Variants in PRSS55 observed in about 807,000 individuals in gnomAD.
The protein encoded by PRSS55 is serine protease 55.
In PRSS55, 41 loss-of-function variants were observed where a neutral mutation model predicts 23.6. That is an observed-to-expected ratio of 1.74 (90% confidence interval 1.35 to 2.26). The LOEUF (loss-of-function observed/expected upper bound fraction) is 2.26. Ranked by LOEUF, PRSS55 falls within the 30% of genes most tolerant of loss-of-function variation. The probability of loss-of-function intolerance (pLI) is 0.00; values close to 1 mark genes in which losing one functional copy is unlikely to be tolerated. For missense variants in PRSS55, 669 were observed against 439.1 expected (o/e 1.52, Z -4.68); for synonymous variants, 262 against 175.5 (o/e 1.49, Z -3.90).
chr8:10,530,010 C>T (rs959362674), intron 2 of PRSS55, among the ~76,000 whole-genome samples: 3 of 152,190 alleles, frequency 2.0e-5, no homozygotes, highest in Admixed American at 1.3e-4. Context: ...CTAGGGCATT[C>T]AAGTCCATCT....
rs1408560613 is a variant in PRSS55, at chr8:10,532,813, G to T, written c.599-93G>T. The T allele has an allele frequency of 8.6e-6, 13 of 1,515,600 alleles. No homozygotes were observed. The African/African-American group carries it at 1.8e-4, about 21-fold the overall frequency. The allele number at this position is 1,515,600 out of a possible 1,614,324, so 93.9% of individuals were successfully genotyped here. ...CTGTGAAGGAAGGGGATGGGGGCTG[G>T]GGGACACAGGGCCGAGGGCACAGTC... On this transcript the variant is annotated intron_variant, in intron 3 of 4. Transcript: ENST00000328655.
intron 4 of PRSS55, among the ~76,000 whole-genome samples, chr8:10,550,592 C>T (rs1025005780): frequency 1.3e-5 from 2 of 152,190 alleles, no homozygotes; most frequent in Non-Finnish European, 2.9e-5. Flanking sequence ...GGGACCCAAT[C>T]TCTGCCTCCC....
intron 4 of PRSS55, chr8:10,553,821 G>A (rs1366569484): frequency 9.7e-6 from 6 of 620,900 alleles, no homozygotes; most frequent in African/African-American, 1.8e-5. Flanking sequence ...GTAAGGTGAT[G>A]GATATGTTAA....
At chr8:10,535,901 G>C (rs1812436895) in intron 4 of PRSS55, among the ~76,000 whole-genome samples, 1 of 152,168 alleles carries the variant, frequency 6.6e-6, no homozygotes, top group Non-Finnish European at 1.5e-5. Flanking sequence ...AAAATGGGCA[G>C]AGGGGCCGGG....
At chr8:10,542,365 C>T (rs1178523709), downstream of PRSS55, among the ~76,000 whole-genome samples, 2 of 138,276 alleles carry the variant, frequency 1.4e-5, no homozygotes, top group South Asian at 2.3e-4. Context: ...AACTTAACAA[C>T]GTAATAAATG....
chr8:10,538,456 G>A lies in PRSS55; in HGVS notation c.742-20G>A. 1.9e-6 allele frequency: 3 copies of A among 1,580,944 alleles called. No individual in the cohort carries two copies. Among genetic ancestry groups the A allele is most frequent in the Non-Finnish European group, 2.6e-6 (3 of 1,154,646 alleles). ...AGCTTAGAACCGGACTCCCTGCTGA[G>A]CTGTGTTCTCTGCCCACAGGGTGAC... On this transcript the variant is annotated intron_variant, in intron 4 of 4. Coordinates refer to ENST00000328655, the MANE Select transcript of PRSS55 (RefSeq NM_198464.4).
intron 4 of PRSS55, among the ~76,000 whole-genome samples, chr8:10,549,947 T>C (rs1052643435): frequency 6.6e-6 from 1 of 152,160 alleles, no homozygotes. Context: ...TTTGAGACAG[T>C]CTCAGTCTAT....
chr8:10,542,013 G>T (rs139562530), downstream of PRSS55, among the ~76,000 whole-genome samples: 2,116 of 152,322 alleles, frequency 0.014, 21 homozygotes, highest in Non-Finnish European at 0.02. Context: ...CTGGGCTCAA[G>T]CAGTCCTCCT....
downstream of PRSS55, among the ~76,000 whole-genome samples, chr8:10,543,171 G>A (rs114862522): frequency 6.6e-6 from 1 of 152,018 alleles, no homozygotes; most frequent in African/African-American, 2.4e-5. Flanking sequence ...ACCAAGCTTG[G>A]CAATCTTGGC....
chr8:10,532,428 C>A (rs1018960819), intron 3 of PRSS55, among the ~76,000 whole-genome samples: 1 of 152,168 alleles, frequency 6.6e-6, no homozygotes, highest in African/African-American at 2.4e-5. Flanking sequence ...CTCTGCAAAT[C>A]CCCTCTAATC....
chr8:10,548,778 T>G (rs958044022), intron 4 of PRSS55, among the ~76,000 whole-genome samples: 1 of 150,186 alleles, frequency 6.7e-6, no homozygotes, highest in Non-Finnish European at 1.5e-5. Context: ...CGTGCCCCCC[T>G]CCAGGCAGCC....
At chr8:10,544,312 A>G (rs1322454017) in intron 4 of PRSS55, among the ~76,000 whole-genome samples, 1 of 152,066 alleles carries the variant, frequency 6.6e-6, no homozygotes, top group Non-Finnish European at 1.5e-5. Context: ...TTTACAGTCT[A>G]TTTTGTTGAT....
intron 4 of PRSS55, among the ~76,000 whole-genome samples, chr8:10,537,796 A>G (rs1812508037): frequency 6.6e-6 from 1 of 152,210 alleles, no homozygotes; most frequent in Non-Finnish European, 1.5e-5. Context: ...CCAGTCTACC[A>G]TAGAACCCTC....
downstream of PRSS55, chr8:10,540,564 A>T (rs1812622678): frequency 6.6e-6 from 1 of 152,104 alleles, no homozygotes; most frequent in African/African-American, 2.4e-5. Flanking sequence ...AAAATACAAA[A>T]GTTAGCCGGG....
chr8:10,531,959 T>G (rs1265269575), intron 3 of PRSS55, among the ~76,000 whole-genome samples: 1 of 152,150 alleles, frequency 6.6e-6, no homozygotes, highest in Non-Finnish European at 1.5e-5. Flanking sequence ...TTCTTAGAAA[T>G]GAATCTGTTG....
In PRSS55 at chr8:10,538,574, C is replaced by T. The variant is rs781590784; in HGVS notation, c.840C>T (p.Asn280=). The T allele has an allele frequency of 6.2e-7, 1 of 1,614,132 alleles. No homozygotes were observed. The highest frequency in any genetic ancestry group is 1.7e-5 in the Admixed American group (1 of 60,030). ...GGGGAAAGAGCTGTGGAGAGAAGAACACCCCAGGGATATACACCTCGTTGG... is the reference window on the plus strand; with the variant it reads ...GGGGAAAGAGCTGTGGAGAGAAGAATACCCCAGGGATATACACCTCGTTGG... ...ISWGKSCGEK[N]TPGIYTSLVN... Residue 280 remains asparagine, a synonymous_variant, in exon 5 of 5, where the codon AAC becomes AAT. Transcript: ENST00000328655.
Position 10,531,563 on chromosome 8 carries a change from T to C in PRSS55, c.598+18T>C, listed in dbSNP as rs763774190. ...CAATGCTGGTATGTGACTGCTCAGC[T>C]TCCCCTGGGGAAAAAGCCACTGCAA... On this transcript the variant is annotated intron_variant, in intron 3 of 4. Coordinates refer to ENST00000328655, the MANE Select transcript of PRSS55 (RefSeq NM_198464.4). 14 of 1,611,062 alleles carry C rather than the reference T, an allele frequency of 8.7e-6. No individual in the cohort carries two copies. The highest frequency in any genetic ancestry group is 1.2e-5 in the Non-Finnish European group (14 of 1,179,054).
chr8:10,547,394 G>C (rs903716414), intron 4 of PRSS55: 9 of 152,316 alleles, frequency 5.9e-5, no homozygotes, highest in African/African-American at 1.2e-4. Context: ...CTGTTTTGCA[G>C]AGCTGCTTCT....
intron 2 of PRSS55, among the ~76,000 whole-genome samples, chr8:10,530,793 A>G (rs576239759): frequency 1.3e-5 from 2 of 152,316 alleles, no homozygotes; most frequent in South Asian, 2.1e-4. Context: ...TGGGATATCA[A>G]ATATCCTCTG....
Sources: gnomAD v4.1 joint callset for allele counts (sites outside exome capture counted in the v4.1 genomes callset) on GRCh38, gnomAD v4.1.1 for gene constraint, MANE v1.5 for transcripts, NCBI Gene and HGNC (gene_info 2026-07-23, HGNC 2026-07-21) for gene names.